RASGRF2: variants seen among roughly 807,000 people sequenced by gnomAD.
RASGRF2 encodes the protein Ras protein specific guanine nucleotide releasing factor 2.
Under a neutral mutation model 151.0 loss-of-function variants are expected in RASGRF2, and 76 were observed. That is an observed-to-expected ratio of 0.50 (90% CI 0.42 to 0.61). The LOEUF (loss-of-function observed/expected upper bound fraction) is 0.61, where lower values mean the gene tolerates loss of function less well. Ranked by LOEUF, RASGRF2 falls within the 20% of genes least tolerant of loss-of-function variation. The pLI is 0.00. For synonymous variants in RASGRF2, 504 were observed against 566.5 expected (o/e 0.89, Z 1.57); for missense variants, 1,148 against 1,564.6 (o/e 0.73, Z 4.49).
At position 80,993,212 on chromosome 5, in the gene RASGRF2, G is replaced by A. The variant is rs1295649337; in HGVS notation, c.288+32186G>A. ...CACCTCCCTGGCTGCCTCCAGGGAT[G>A]AAATGACAGTGTCTGGAAATGGATG... On this transcript the variant is annotated intron_variant, in intron 1 of 26. Transcript: ENST00000265080. Among the ~76,000 whole-genome samples, 9 of 152,192 alleles carry A rather than the reference G, an allele frequency of 5.9e-5. No homozygotes were observed. In the East Asian group the frequency reaches 1.7e-3, roughly 29 times the overall value.
intron 1 of RASGRF2, among the ~76,000 whole-genome samples, chr5:81,038,170 G>C (rs1481680281): frequency 1.3e-5 from 2 of 152,076 alleles, no homozygotes; most frequent in Non-Finnish European, 2.9e-5. Flanking sequence ...ATTATGAAAT[G>C]TGAATATGTT....
chr5:81,018,066 G>A (rs964371872), intron 1 of RASGRF2, among the ~76,000 whole-genome samples: 5 of 151,744 alleles, frequency 3.3e-5, no homozygotes, highest in Admixed American at 6.6e-5. Flanking sequence ...CCAAGATCGC[G>A]CCACTGCACT....
intron 16 of RASGRF2, among the ~76,000 whole-genome samples, chr5:81,124,845 C>T (rs138751833): frequency 4.1e-4 from 62 of 152,172 alleles, no homozygotes; most frequent in African/African-American, 1.4e-3. Context: ...GAAAATTACA[C>T]AATTATGAAA....
chr5:81,052,084 T>A (rs899554103), intron 2 of RASGRF2, among the ~76,000 whole-genome samples: 1 of 152,248 alleles, frequency 6.6e-6, no homozygotes, highest in Non-Finnish European at 1.5e-5. Context: ...GTATTCTTGC[T>A]GGAGAATTTT....
intron 1 of RASGRF2, among the ~76,000 whole-genome samples, chr5:81,013,813 CT>C (rs1229157663): frequency 6.6e-6 from 1 of 152,052 alleles, no homozygotes; most frequent in Non-Finnish European, 1.5e-5. Flanking sequence ...TCAGTGTTCT[CT>C]TACCAGTGTT....
At chr5:81,208,214 G>A (rs1755552891) in intron 21 of RASGRF2, 140 bp from the exon 22 acceptor site, 1 of 614,918 alleles carries the variant, frequency 1.6e-6, no homozygotes, top group Non-Finnish European at 2.8e-6. Flanking sequence ...TCACTTGTGA[G>A]GCTGGCAGCA....
chr5:81,060,454 C>CT (rs1751394664), intron 2 of RASGRF2, among the ~76,000 whole-genome samples: 1 of 151,884 alleles, frequency 6.6e-6, no homozygotes, highest in African/African-American at 2.4e-5. Flanking sequence ...ACCTCTGCCC[C>CT]CCTACTTCCT....
chr5:81,201,915 G>A (rs1349248976), intron 19 of RASGRF2, among the ~76,000 whole-genome samples: 1 of 152,192 alleles, frequency 6.6e-6, no homozygotes, highest in African/African-American at 2.4e-5. Context: ...ACTGGTCCTC[G>A]ACCAGCTTTT....
At chr5:81,038,933 C>T (rs149301493) in intron 1 of RASGRF2, among the ~76,000 whole-genome samples, 2 of 152,260 alleles carry the variant, frequency 1.3e-5, no homozygotes, top group African/African-American at 2.4e-5. Context: ...TCTTTCAAAT[C>T]TGTGGCTTGT....
At chr5:80,976,313 G>A (rs1312363907) in intron 1 of RASGRF2, among the ~76,000 whole-genome samples, 3 of 152,180 alleles carry the variant, frequency 2.0e-5, no homozygotes, top group Non-Finnish European at 2.9e-5. Context: ...CAACCACCTT[G>A]AGATATCAGT....
At chr5:81,098,202 T>A (rs1752600653) in intron 12 of RASGRF2, among the ~76,000 whole-genome samples, 1 of 152,172 alleles carries the variant, frequency 6.6e-6, no homozygotes, top group Non-Finnish European at 1.5e-5. Context: ...CCTGAGCAAC[T>A]GGAAGGATGG....
rs1406419547 is a variant in RASGRF2 at position 81,068,057 on chromosome 5, G to T, written c.421G>T (p.Glu141Ter). Residue 141 changes from glutamate (E) to a stop codon, truncating the protein, a stop_gained, in exon 3 of 27, where the codon GAA (glutamate) becomes TAA (stop). Transcript: ENST00000265080. LOFTEE classifies it high-confidence loss of function. ...ASYADILIER[E>*]VLMQKYIHLV... is the part of the protein sequence containing the mutation. ...TTATGCAGACATTTTGATTGAGAGG[G>T]AAGTATTAATGCAGAAGTACATTCA... 6.2e-7 allele frequency: 1 copy of T among 1,606,082 alleles called. No homozygotes were observed. The highest frequency in any genetic ancestry group is 2.2e-5 in the East Asian group (1 of 44,806).
intron 1 of RASGRF2, among the ~76,000 whole-genome samples, chr5:81,018,800 C>T (rs1449884335): frequency 1.5e-5 from 2 of 131,432 alleles, no homozygotes; most frequent in Non-Finnish European, 3.2e-5. Context: ...TGTCCATCTG[C>T]ACTTTTTTTT....
At chr5:80,990,463 G>A (rs771510713) in intron 1 of RASGRF2, among the ~76,000 whole-genome samples, 6 of 152,126 alleles carry the variant, frequency 3.9e-5, no homozygotes, top group Non-Finnish European at 7.4e-5. Context: ...GGAAGAAGTC[G>A]TCTAGACCCC....
intron 10 of RASGRF2, 24 bp from the exon 11 acceptor site, chr5:81,094,272 A>T (rs1363678866): frequency 6.3e-7 from 1 of 1,595,800 alleles, no homozygotes; most frequent in East Asian, 2.2e-5. Context: ...TCAGCGTCTT[A>T]GTGAAAAATT....
At chr5:81,104,306 TAA>T (rs1752785027) in intron 12 of RASGRF2, among the ~76,000 whole-genome samples, 1 of 152,024 alleles carries the variant, frequency 6.6e-6, no homozygotes, top group African/African-American at 2.4e-5. Context: ...TTAAGATAAA[TAA>T]AAGTCTATAT....
intron 1 of RASGRF2, among the ~76,000 whole-genome samples, chr5:80,965,564 A>G (rs191834690): frequency 2.0e-5 from 3 of 152,324 alleles, no homozygotes. Flanking sequence ...TGACAGATGT[A>G]TTAATACATA....
intron 15 of RASGRF2, among the ~76,000 whole-genome samples, chr5:81,123,350 G>A (rs904263101): frequency 6.6e-6 from 1 of 152,110 alleles, no homozygotes; most frequent in Non-Finnish European, 1.5e-5. Flanking sequence ...CATTTGGAAG[G>A]GCAGGGGATC....
intron 17 of RASGRF2, among the ~76,000 whole-genome samples, chr5:81,166,858 C>T (rs1053392173): frequency 2.6e-5 from 4 of 152,064 alleles, no homozygotes; most frequent in Admixed American, 6.6e-5. Flanking sequence ...TGAGCTAAGC[C>T]GATTTAAAAA....
Sources: allele counts gnomAD v4.1 joint callset (sites outside exome capture counted in the v4.1 genomes callset), GRCh38; gene constraint gnomAD v4.1.1; transcripts MANE v1.5; gene names NCBI Gene and HGNC (gene_info 2026-07-23, HGNC 2026-07-21).